Variants in ENDOD1 observed in about 807,000 individuals in gnomAD.
ENDOD1 encodes the protein endonuclease domain containing 1, also known as endonuclease domain-containing 1 protein.
In ENDOD1, 9 loss-of-function variants were observed where a neutral mutation model predicts 6.5. The observed-to-expected ratio is 1.39, with a 90% CI of 0.84 to 2.43. The LOEUF (loss-of-function observed/expected upper bound fraction) is 2.43, where lower values mean the gene tolerates loss of function less well. Ranked by LOEUF, ENDOD1 falls within the 30% of genes most tolerant of loss-of-function variation. The pLI is 0.00. For missense variants in ENDOD1, 648 were observed against 635.5 expected (o/e 1.02, Z -0.21); for synonymous variants, 255 against 255.2 (o/e 1.00, Z 0.01).
chr11:95,114,710 A>G (rs117267863), intron 1 of ENDOD1, among the ~76,000 whole-genome samples: 1,826 of 152,248 alleles, frequency 0.012, 17 homozygotes, highest in Non-Finnish European at 0.019. Flanking sequence ...TCTTCTGCAT[A>G]TGGATATTTA....
chr11:95,121,323 G>A (rs1268042138), intron 1 of ENDOD1, among the ~76,000 whole-genome samples: 1 of 152,108 alleles, frequency 6.6e-6, no homozygotes. Context: ...TCTTGTATGT[G>A]GTAGTAATAA....
intron 1 of ENDOD1, among the ~76,000 whole-genome samples, chr11:95,107,810 G>A (rs1421020338): frequency 2.6e-5 from 4 of 152,102 alleles, no homozygotes; most frequent in African/African-American, 7.2e-5. Flanking sequence ...ACAGGCGCGC[G>A]CCACTCCGCC....
chr11:95,129,349 C>T lies in ENDOD1; in HGVS notation c.1273C>T (p.Arg425Ter), dbSNP rs776009926. 36 of 1,614,014 alleles carry T rather than the reference C, an allele frequency of 2.2e-5. No homozygotes were observed. The highest frequency in any genetic ancestry group is 6.7e-5 in the East Asian group (3 of 44,886). The change falls in exon 2 of 2, where the codon CGA becomes TGA. Residue 425 changes from arginine (R) to a stop codon, truncating the protein, a stop_gained. Coordinates refer to ENST00000278505, the MANE Select transcript of ENDOD1 (RefSeq NM_015036.3). LOFTEE classifies it high-confidence loss of function. ...ILCCLLKAIC[R>*]VLSIPVRVLV... ...TTGTTGTCTGCTGAAGGCCATTTGC[C>T]GAGTTCTGAGCATCCCTGTCCGTGT... is the stretch of plus-strand genomic sequence containing the variant.
rs976110687 is a variant in ENDOD1, at chr11:95,127,396, A to G, written c.301-981A>G. On this transcript the variant is annotated intron_variant, in intron 1 of 1. Transcript: ENST00000278505. Reference sequence around the variant, plus strand: ...CACATGTCTAGATTGACCAAGACACAAAATGAATTGTTAGTCATAGCAAAT... The same window carrying G: ...CACATGTCTAGATTGACCAAGACACGAAATGAATTGTTAGTCATAGCAAAT... 2.0e-5 allele frequency among the ~76,000 whole-genome samples: 3 copies of G among 152,246 alleles called. No individual in the cohort carries two copies. In the East Asian group the frequency reaches 5.8e-4, roughly 29 times the overall value.
chr11:95,094,985 T>G (rs1555110157), intron 1 of ENDOD1, among the ~76,000 whole-genome samples: 1 of 152,226 alleles, frequency 6.6e-6, no homozygotes, highest in African/African-American at 2.4e-5. Context: ...TGGTAAACTC[T>G]TAGTAAATAT....
intron 1 of ENDOD1, among the ~76,000 whole-genome samples, chr11:95,102,929 G>A (rs1555111041): frequency 2.0e-5 from 3 of 152,108 alleles, no homozygotes; most frequent in African/African-American, 4.8e-5. Context: ...AGATGAGAGC[G>A]ACTCATAATT....
intron 1 of ENDOD1, among the ~76,000 whole-genome samples, chr11:95,107,416 C>T (rs1591013629): frequency 6.6e-6 from 1 of 151,732 alleles, no homozygotes; most frequent in Non-Finnish European, 1.5e-5. Flanking sequence ...TGCAGCCAGG[C>T]CTAAGAACCT....
chr11:95,091,244 C>T (rs1174064735), intron 1 of ENDOD1, among the ~76,000 whole-genome samples: 1 of 152,216 alleles, frequency 6.6e-6, no homozygotes, highest in South Asian at 2.1e-4. Context: ...CTCTCCCTTT[C>T]CTGACGGCCA....
chr11:95,128,866 C>T lies in ENDOD1; in HGVS notation c.790C>T (p.Leu264=), dbSNP rs775606912. ...GAAACTGCTTCCATTTAACCCTCAG[C>T]TGTTTCAGAACAACTGTGGTGAAAC... The part of the protein sequence containing the change: ...LQKLLPFNPQ[L]FQNNCGETEQ... Residue 264 remains leucine (L), a synonymous_variant, in exon 2 of 2, where the codon CTG becomes TTG. Coordinates refer to ENST00000278505, the MANE Select transcript of ENDOD1 (RefSeq NM_015036.3). 8.7e-6 allele frequency: 14 copies of T among 1,614,016 alleles called. No individual in the cohort carries two copies. In the South Asian group the frequency reaches 1.4e-4, roughly 16 times the overall value.
At chr11:95,091,013 A>AT (rs1858925732) in intron 1 of ENDOD1, among the ~76,000 whole-genome samples, 1 of 152,216 alleles carries the variant, frequency 6.6e-6, no homozygotes, top group Non-Finnish European at 1.5e-5. Context: ...CTATATTATC[A>AT]TACCACTAGG....
At chr11:95,119,980 C>T (rs1859246771) in intron 1 of ENDOD1, among the ~76,000 whole-genome samples, 2 of 152,210 alleles carry the variant, frequency 1.3e-5, no homozygotes, top group South Asian at 4.1e-4. Flanking sequence ...GGAGTACTGC[C>T]AGAACACCCC....
At chr11:95,099,438 G>A (rs1252818968) in intron 1 of ENDOD1, among the ~76,000 whole-genome samples, 1 of 152,206 alleles carries the variant, frequency 6.6e-6, no homozygotes, top group Non-Finnish European at 1.5e-5. Context: ...GGGTGGGAAG[G>A]AGGTGCCCAG....
At chr11:95,099,175 T>A (rs1194616887) in intron 1 of ENDOD1, among the ~76,000 whole-genome samples, 3 of 152,174 alleles carry the variant, frequency 2.0e-5, no homozygotes, top group Non-Finnish European at 1.5e-5. Context: ...ATTATCCTTA[T>A]GCAAGCAGAC....
rs551272702 is a variant in ENDOD1 at position 95,106,827 on chromosome 11, C to G, written c.300+16600C>G. Among the ~76,000 whole-genome samples, 208 of 152,108 alleles carry G rather than the reference C, an allele frequency of 1.4e-3. 1 individual carries two copies. Among genetic ancestry groups the G allele is most frequent in the East Asian group, 4.0e-3 (20 of 5,062 alleles). On this transcript the variant is annotated intron_variant, in intron 1 of 1. Coordinates refer to ENST00000278505, the MANE Select transcript of ENDOD1 (RefSeq NM_015036.3). ...AGCGTGAGGTTCATAGACACCCCCCCCTTTCCCCCGTCAGCATCACCTGGG... is the reference window on the plus strand; with the variant it reads ...AGCGTGAGGTTCATAGACACCCCCCGCTTTCCCCCGTCAGCATCACCTGGG...
At chr11:95,099,672 A>C (rs1185827466) in intron 1 of ENDOD1, among the ~76,000 whole-genome samples, 1 of 152,248 alleles carries the variant, frequency 6.6e-6, no homozygotes, top group Non-Finnish European at 1.5e-5. Context: ...TACCTCCTTG[A>C]ACGTGCCAAA....
intron 1 of ENDOD1, among the ~76,000 whole-genome samples, chr11:95,117,785 A>G (rs1321992771): frequency 1.3e-5 from 2 of 151,760 alleles, no homozygotes; most frequent in Non-Finnish European, 2.9e-5. Context: ...GTAAGGACTT[A>G]CCCCTGCCAT....
intron 1 of ENDOD1, among the ~76,000 whole-genome samples, chr11:95,105,105 C>A (rs1555111296): frequency 6.6e-6 from 1 of 152,156 alleles, no homozygotes; most frequent in African/African-American, 2.4e-5. Flanking sequence ...TGAGTTGAGC[C>A]TTGGAAAAGA....
At chr11:95,121,290 A>G (rs970597258) in intron 1 of ENDOD1, among the ~76,000 whole-genome samples, 4 of 152,092 alleles carry the variant, frequency 2.6e-5, no homozygotes, top group African/African-American at 4.8e-5. Flanking sequence ...CTGAATCTCA[A>G]TGTGCCTCAG....
At chr11:95,096,972 G>A (rs1312511469) in intron 1 of ENDOD1, among the ~76,000 whole-genome samples, 1 of 152,144 alleles carries the variant, frequency 6.6e-6, no homozygotes, top group Non-Finnish European at 1.5e-5. Flanking sequence ...AGACCAGCCT[G>A]GGCAACATGG....
Sources: gnomAD v4.1 joint callset for allele counts (sites outside exome capture counted in the v4.1 genomes callset) on GRCh38, gnomAD v4.1.1 for gene constraint, MANE v1.5 for transcripts, NCBI Gene and HGNC (gene_info 2026-07-23, HGNC 2026-07-21) for gene names.